SRP19: variants seen among roughly 807,000 people sequenced by gnomAD.
SRP19 encodes the protein signal recognition particle 19 kDa protein.
SRP19 carries 11 observed loss-of-function variants against 22.4 expected under a neutral mutation model. That is an observed-to-expected ratio of 0.49 (90% CI 0.31 to 0.81). SRP19 has a LOEUF of 0.81. Among genes scored for constraint, SRP19 ranks in the 40% least tolerant of loss-of-function variants. The pLI is 0.05. For synonymous variants in SRP19, 61 were observed against 57.6 expected (o/e 1.06, Z -0.27); for missense variants, 168 against 175.9 (o/e 0.96, Z 0.25).
chr5:112,891,494 T>C, intron 4 of SRP19: 1 of 1,080,738 alleles, frequency 9.3e-7, no homozygotes, highest in Non-Finnish European at 1.3e-6. Context: ...AAGTAATTTG[T>C]AATATATATA....
chr5:112,897,394 C>T (rs1271865747), downstream of SRP19: 3 of 150,512 alleles, frequency 2.0e-5, no homozygotes, highest in Non-Finnish European at 3.0e-5. Context: ...CACACACACA[C>T]AAATGTAAAC....
intron 4 of SRP19, among the ~76,000 whole-genome samples, chr5:112,875,619 C>T (rs1321230969): frequency 1.3e-5 from 2 of 152,134 alleles, no homozygotes; most frequent in East Asian, 1.9e-4. Flanking sequence ...CCGCCCACCT[C>T]GGCTTCCCAA....
intron 4 of SRP19, among the ~76,000 whole-genome samples, chr5:112,875,922 G>A (rs575517298): frequency 3.3e-5 from 5 of 151,730 alleles, no homozygotes; most frequent in Non-Finnish European, 7.4e-5. Context: ...CGGCGGGTGC[G>A]TGTAGTCCCA....
intron 1 of SRP19, among the ~76,000 whole-genome samples, 166 bp downstream of exon 1, chr5:112,861,583 G>A (rs1210562004): frequency 1.3e-5 from 2 of 152,242 alleles, no homozygotes; most frequent in African/African-American, 4.8e-5. Flanking sequence ...TCTGAATCCT[G>A]CAGCAGCCAC....
At chr5:112,883,879 G>T (rs957409144) in intron 4 of SRP19, among the ~76,000 whole-genome samples, 1 of 151,896 alleles carries the variant, frequency 6.6e-6, no homozygotes, top group Non-Finnish European at 1.5e-5. Flanking sequence ...TAAAAAGCTC[G>T]TCCTTGTCCT....
chr5:112,865,463 T>C (rs983921030), intron 4 of SRP19, among the ~76,000 whole-genome samples: 49 of 152,236 alleles, frequency 3.2e-4, no homozygotes, highest in Non-Finnish European at 8.8e-5. Flanking sequence ...TTTTTCTGAA[T>C]TTTCATCTCT....
intron 1 of SRP19, 83 bp downstream of exon 1, chr5:112,861,500 C>A: frequency 6.7e-7 from 1 of 1,483,586 alleles, no homozygotes; most frequent in Non-Finnish European, 9.2e-7. Context: ...CTCCGCTCCG[C>A]GGCCTCCAGA....
intron 4 of SRP19, among the ~76,000 whole-genome samples, chr5:112,884,068 C>G (rs1032139420): frequency 6.6e-6 from 1 of 152,220 alleles, no homozygotes; most frequent in Non-Finnish European, 1.5e-5. Context: ...GTTCTCCCAA[C>G]TTCCTGCCTT....
chr5:112,864,536 G>T lies in SRP19; in HGVS notation c.189+8G>T. 2 of 1,613,726 alleles carry T rather than the reference G, an allele frequency of 1.2e-6. No homozygotes were observed. Among genetic ancestry groups the T allele is most frequent in the Non-Finnish European group, 1.7e-6 (2 of 1,179,636 alleles). On this transcript the variant is annotated splice_region_variant and intron_variant, in intron 3 of 4. Transcript: ENST00000505459. ...CTTAACGTATTTCTTGAGGTATGAC[G>T]TGGTTCTTCACTATTTTCCATACTC...
At chr5:112,861,623 G>C (rs1217357328) in intron 1 of SRP19, among the ~76,000 whole-genome samples, 2 of 152,238 alleles carry the variant, frequency 1.3e-5, no homozygotes, top group Non-Finnish European at 2.9e-5. Context: ...CTGAAATTCC[G>C]ACCATAGGTA....
chr5:112,891,968 G>A (rs772191308), exon 5 of SRP19: 1 of 1,235,588 alleles, frequency 8.1e-7, no homozygotes, highest in Non-Finnish European at 1.2e-6. Flanking sequence ...GAACAAGAGA[G>A]AAAGTTAAAG....
intron 1 of SRP19, 69 bp downstream of exon 1, chr5:112,861,486 G>A (rs1305181613): frequency 1.3e-6 from 2 of 1,527,318 alleles, no homozygotes; most frequent in African/African-American, 1.4e-5. Flanking sequence ...GCTACACCGC[G>A]CTTCTCCGCT....
intron 4 of SRP19, among the ~76,000 whole-genome samples, chr5:112,881,705 A>C (rs1479770589): frequency 6.6e-6 from 1 of 152,056 alleles, no homozygotes; most frequent in Non-Finnish European, 1.5e-5. Flanking sequence ...CTCTTGGGCT[A>C]CTTTGCCTTA....
Position 112,889,819 on chromosome 5 carries a change from G to GA in SRP19, c.302-1774dup, listed in dbSNP as rs1388857226. ...TAACATAGGGAGACCACATCTCTAG[G>GA]AAAAAAAAAATTTTTTTTTTTTTTT... On this transcript the variant is annotated intron_variant, in intron 4 of 4. Coordinates refer to the SRP19 transcript ENST00000391338. Among the ~76,000 whole-genome samples the GA allele has an allele frequency of 9.7e-4, 126 of 130,142 alleles. 5 individuals carry two copies. Among genetic ancestry groups the GA allele is most frequent in the African/African-American group, 3.7e-3 (107 of 28,700 alleles). The allele number at this position is 130,142 out of a possible 152,430, so 85.4% of individuals were successfully genotyped here.
At chr5:112,866,034 C>G (rs1767592528) in intron 4 of SRP19, among the ~76,000 whole-genome samples, 1 of 151,988 alleles carries the variant, frequency 6.6e-6, no homozygotes, top group African/African-American at 2.4e-5. Flanking sequence ...CATGTTTGAA[C>G]TTTTATTTTT....
In SRP19 at chr5:112,867,743, ATTT is replaced by A; in HGVS notation, c.*211_*213del. 18 of 1,269,344 alleles carry A rather than the reference ATTT, an allele frequency of 1.4e-5. No individual in the cohort carries two copies. Among genetic ancestry groups the A allele is most frequent in the Non-Finnish European group, 1.7e-5 (17 of 1,006,664 alleles). The allele number at this position is 1,269,344 out of a possible 1,614,324, so 78.6% of individuals were successfully genotyped here. ...TCTCGCGTATATGCCGTATAAAAGA[ATTT>A]TTTTGTCTTTCAATGCAGTTTTTTG... On this transcript the variant is annotated 3_prime_UTR_variant, in exon 5 of 5. Coordinates refer to ENST00000505459, the MANE Select transcript of SRP19 (RefSeq NM_003135.3).
chr5:112,865,003 G>T, intron 4 of SRP19: 1 of 255,696 alleles, frequency 3.9e-6, no homozygotes, highest in Non-Finnish European at 7.4e-6. Context: ...ATTGCTCCCA[G>T]GTTAAGAATA....
chr5:112,877,679 A>ATACT (rs963824673), intron 4 of SRP19: 1 of 152,162 alleles, frequency 6.6e-6, no homozygotes, highest in Non-Finnish European at 1.5e-5. Flanking sequence ...GGGTTACTTT[A>ATACT]TACTTCCTTT....
At chr5:112,861,940 T>G (rs712668) in intron 1 of SRP19, among the ~76,000 whole-genome samples, 100,422 of 151,880 alleles carry the variant, frequency 0.66, 33,313 homozygotes, top group East Asian at 0.83. Context: ...TAAGTTAAAG[T>G]GAGGTAATTT....
Sources: allele counts gnomAD v4.1 joint callset (sites outside exome capture counted in the v4.1 genomes callset), GRCh38; gene constraint gnomAD v4.1.1; transcripts MANE v1.5; gene names NCBI Gene and HGNC (gene_info 2026-07-23, HGNC 2026-07-21).